PIK3C2G: variants seen among roughly 807,000 people sequenced by gnomAD.
PIK3C2G encodes phosphatidylinositol 3-kinase C2 domain-containing subunit gamma.
Under a neutral mutation model 181.1 loss-of-function variants are expected in PIK3C2G, and 168 were observed. The observed-to-expected ratio is 0.93, with a 90% CI of 0.82 to 1.05. The LOEUF (loss-of-function observed/expected upper bound fraction) is 1.05, where lower values mean the gene tolerates loss of function less well. Ranked by LOEUF, PIK3C2G falls within the 50% of genes least tolerant of loss-of-function variation. PIK3C2G has a pLI of 0.00. For synonymous variants in PIK3C2G, 573 were observed against 592.2 expected, an observed-to-expected ratio of 0.97 and a Z score of 0.47; for missense variants, 1,869 against 1,732.8, an observed-to-expected ratio of 1.08 and a Z score of -1.40.
intron 12 of PIK3C2G, among the ~76,000 whole-genome samples, chr12:18,365,242 T>A (rs1317123714): frequency 6.6e-6 from 1 of 152,170 alleles, no homozygotes; most frequent in Non-Finnish European, 1.5e-5. Context: ...AGTATTTACA[T>A]CCCATGAATA....
intron 30 of PIK3C2G, among the ~76,000 whole-genome samples, chr12:18,605,061 T>A (rs1225210158): frequency 1.3e-5 from 2 of 151,728 alleles, no homozygotes; most frequent in African/African-American, 4.8e-5. Context: ...TAAATGAAAT[T>A]GAAACAAAAA....
the PIK3C2G span, among the ~76,000 whole-genome samples, chr12:18,715,330 G>C: frequency 6.6e-6 from 1 of 151,690 alleles, no homozygotes; most frequent in South Asian, 2.1e-4. Flanking sequence ...TAACTTGGAG[G>C]CTTCACCAAC....
chr12:18,505,119 G>A (rs1036897345), intron 23 of PIK3C2G, among the ~76,000 whole-genome samples, 173 bp from the exon 24 acceptor site: 7 of 152,142 alleles, frequency 4.6e-5, no homozygotes, highest in Non-Finnish European at 8.8e-5. Flanking sequence ...ATATTCTTCT[G>A]TAGCAGATCA....
the PIK3C2G span, chr12:18,685,801 CT>C: frequency 2.9e-6 from 1 of 346,450 alleles, no homozygotes; most frequent in Non-Finnish European, 6.0e-6. Context: ...CTCTGCCTCC[CT>C]TCCATCCTCC....
chr12:18,692,973 G>A, the PIK3C2G span: 7 of 1,439,772 alleles, frequency 4.9e-6, no homozygotes, highest in African/African-American at 9.8e-5. Flanking sequence ...ACTGAAGTTA[G>A]AGAGAATTAA....
the PIK3C2G span, chr12:18,684,152 C>T: frequency 6.2e-7 from 1 of 1,611,814 alleles, no homozygotes; most frequent in African/African-American, 1.3e-5. Flanking sequence ...ATAGAAGTGG[C>T]AAAGTATATT....
At chr12:18,560,584 A>G (rs182695337) in intron 26 of PIK3C2G, among the ~76,000 whole-genome samples, 1 of 152,172 alleles carries the variant, frequency 6.6e-6, no homozygotes, top group Non-Finnish European at 1.5e-5. Context: ...GAGAGAAGGT[A>G]AAAACAGAGA....
intron 24 of PIK3C2G, among the ~76,000 whole-genome samples, chr12:18,526,987 T>G (rs529717953): frequency 3.3e-5 from 5 of 152,304 alleles, no homozygotes; most frequent in African/African-American, 9.6e-5. Context: ...AGAGAGACTT[T>G]GTGGGTTTTC....
the PIK3C2G span, chr12:18,692,759 C>T: frequency 1.6e-6 from 2 of 1,243,084 alleles, no homozygotes; most frequent in Non-Finnish European, 2.3e-6. Context: ...CAGGCCAAGG[C>T]AAGATGGGTC....
the PIK3C2G span, among the ~76,000 whole-genome samples, chr12:18,686,857 G>A: frequency 6.6e-6 from 1 of 152,078 alleles, no homozygotes; most frequent in South Asian, 2.1e-4. Context: ...GCTCAGTAAT[G>A]TTTGATGAAC....
chr12:18,409,628 C>A lies in PIK3C2G; in HGVS notation c.2315+9781C>A, dbSNP rs114145076. On this transcript the variant is annotated intron_variant, in intron 16 of 32. Transcript: ENST00000538779. Reference sequence around the variant, plus strand: ...GGTGTCAGAGAATGGCAGTCATCCTCGGAAGGTGGCAGCAATGATGTAATT... The same window carrying A: ...GGTGTCAGAGAATGGCAGTCATCCTAGGAAGGTGGCAGCAATGATGTAATT... 9.3e-3 allele frequency among the ~76,000 whole-genome samples: 1,417 copies of A among 152,032 alleles called. 14 individuals carry two copies. The highest frequency in any genetic ancestry group is 0.027 in the African/African-American group (1,119 of 41,432).
At chr12:18,454,049 C>T (rs1387367995) in intron 18 of PIK3C2G, among the ~76,000 whole-genome samples, 1 of 152,082 alleles carries the variant, frequency 6.6e-6, no homozygotes, top group Admixed American at 6.6e-5. Flanking sequence ...AGTTTTTCTA[C>T]TAGTTTTTTT....
chr12:18,561,433 C>G (rs1364034675), intron 26 of PIK3C2G, among the ~76,000 whole-genome samples: 1 of 152,116 alleles, frequency 6.6e-6, no homozygotes, highest in African/African-American at 2.4e-5. Context: ...GAGCTACTAT[C>G]TCACCACTGT....
the PIK3C2G span, among the ~76,000 whole-genome samples, chr12:18,665,807 C>T: frequency 1.9e-4 from 29 of 151,710 alleles, no homozygotes; most frequent in Non-Finnish European, 3.8e-4. Flanking sequence ...TAGTGGTGCG[C>T]ACCTGTAGTC....
chr12:18,650,001 T>C (rs955284485), downstream of PIK3C2G, among the ~76,000 whole-genome samples: 2 of 152,068 alleles, frequency 1.3e-5, no homozygotes, highest in Non-Finnish European at 2.9e-5. Flanking sequence ...TTTAATGATC[T>C]CATCTCTCAA....
the PIK3C2G span, chr12:18,693,775 A>C: frequency 2.6e-6 from 4 of 1,516,130 alleles, no homozygotes; most frequent in African/African-American, 4.1e-5. Context: ...CCACAAACCA[A>C]ATAGAAACTT....
intron 8 of PIK3C2G, 88 bp downstream of exon 8, chr12:18,325,186 TGACAAAAA>T: frequency 1.5e-6 from 1 of 687,622 alleles, no homozygotes; most frequent in Non-Finnish European, 2.5e-6. Context: ...ATTTTGAAGA[TGACAAAAA>T]TGAATAAAAC....
intron 30 of PIK3C2G, among the ~76,000 whole-genome samples, chr12:18,596,553 G>T (rs1947375413): frequency 6.6e-6 from 1 of 152,084 alleles, no homozygotes; most frequent in South Asian, 2.1e-4. Context: ...ATAGTTATTT[G>T]TCAAGGTACA....
intron 24 of PIK3C2G, among the ~76,000 whole-genome samples, chr12:18,535,397 CTTTAT>C (rs1943794314): frequency 6.6e-6 from 1 of 151,876 alleles, no homozygotes; most frequent in Non-Finnish European, 1.5e-5. Flanking sequence ...TTTAATATTA[CTTTAT>C]ATTTTATTTA....
Sources: gnomAD v4.1 joint callset for allele counts (sites outside exome capture counted in the v4.1 genomes callset) on GRCh38, gnomAD v4.1.1 for gene constraint, MANE v1.5 for transcripts, NCBI Gene and HGNC (gene_info 2026-07-23, HGNC 2026-07-21) for gene names.